Variants in TMOD1 observed in about 807,000 individuals in gnomAD.
TMOD1 encodes tropomodulin-1.
In TMOD1, 17 loss-of-function variants were observed where a neutral mutation model predicts 40.6. The observed-to-expected ratio is 0.42, with a 90% confidence interval of 0.29 to 0.63. The LOEUF is 0.63. Among genes scored for constraint, TMOD1 ranks in the 20% least tolerant of loss-of-function variants. The probability of loss-of-function intolerance (pLI) is 0.22; values close to 1 mark genes in which losing one functional copy is unlikely to be tolerated. For synonymous variants in TMOD1, 181 were observed against 175.0 expected, an observed-to-expected ratio of 1.03 and a Z score of -0.27; for missense variants, 391 against 447.6, an observed-to-expected ratio of 0.87 and a Z score of 1.14.
chr9:97,586,658 C>T (rs1456642823), intron 8 of TMOD1, among the ~76,000 whole-genome samples: 3 of 151,984 alleles, frequency 2.0e-5, no homozygotes, highest in African/African-American at 7.2e-5. Flanking sequence ...ATCAGCGAGA[C>T]TCTGTGGGCG....
chr9:97,594,616 G>T (rs891376693), intron 9 of TMOD1, among the ~76,000 whole-genome samples: 1 of 152,174 alleles, frequency 6.6e-6, no homozygotes, highest in African/African-American at 2.4e-5. Flanking sequence ...GGGACATTGA[G>T]TCCCCAAGGC....
intron 1 of TMOD1, among the ~76,000 whole-genome samples, chr9:97,508,959 AG>A (rs1168940406): frequency 1.3e-5 from 2 of 152,238 alleles, no homozygotes; most frequent in African/African-American, 4.8e-5. Context: ...CAGCATAACT[AG>A]TAAGAACAGA....
rs144026295 is a variant in TMOD1 at position 97,534,140 on chromosome 9, T to C, written c.120+9832T>C. On this transcript the variant is annotated intron_variant, in intron 2 of 9. Coordinates refer to ENST00000259365, the MANE Select transcript of TMOD1 (RefSeq NM_003275.4). ...CTCATATCATTGCCTGGAACTTAATTATATGACTCAACCTAGCTGCAAGGG... is the reference window on the plus strand; with the variant it reads ...CTCATATCATTGCCTGGAACTTAATCATATGACTCAACCTAGCTGCAAGGG... Among the ~76,000 whole-genome samples, 41 of 152,278 alleles carry C rather than the reference T, an allele frequency of 2.7e-4. No individual in the cohort carries two copies. In the East Asian group the frequency reaches 5.6e-3, roughly 21 times the overall value.
chr9:97,514,467 C>CA (rs533668041), intron 1 of TMOD1, among the ~76,000 whole-genome samples: 113 of 152,164 alleles, frequency 7.4e-4, no homozygotes, highest in African/African-American at 2.6e-3. Context: ...AGTGAAGTTT[C>CA]AATGAAGTAT....
At chr9:97,581,771 T>C (rs917182343) in intron 8 of TMOD1, among the ~76,000 whole-genome samples, 69 of 151,994 alleles carry the variant, frequency 4.5e-4, no homozygotes, top group Non-Finnish European at 8.7e-4. Flanking sequence ...TTTCATGTGT[T>C]TTTTGGCTAC....
intron 3 of TMOD1, among the ~76,000 whole-genome samples, chr9:97,552,229 T>C (rs1394873280): frequency 6.6e-6 from 1 of 152,192 alleles, no homozygotes; most frequent in Non-Finnish European, 1.5e-5. Flanking sequence ...ATAGCAGCAG[T>C]AAAAGTGGGC....
intron 5 of TMOD1, 103 bp from the exon 6 acceptor site, chr9:97,563,935 C>T (rs4743109): frequency 3.9e-5 from 55 of 1,415,080 alleles, no homozygotes; most frequent in Non-Finnish European, 5.0e-5. Flanking sequence ...GCAGCCCTCA[C>T]GTGCCCCAAC....
chr9:97,558,866 G>A (rs1000260907), intron 4 of TMOD1, among the ~76,000 whole-genome samples: 2 of 152,258 alleles, frequency 1.3e-5, no homozygotes, highest in African/African-American at 4.8e-5. Flanking sequence ...AAAACTGAGC[G>A]TCCCCCCAGC....
intron 1 of TMOD1, among the ~76,000 whole-genome samples, chr9:97,503,874 A>G (rs1829544484): frequency 6.6e-6 from 1 of 152,172 alleles, no homozygotes; most frequent in African/African-American, 2.4e-5. Flanking sequence ...CCTGGAGTGG[A>G]GAGGGCTTAG....
At chr9:97,562,893 C>A in intron 5 of TMOD1, 72 bp downstream of exon 5, 3 of 1,277,676 alleles carry the variant, frequency 2.3e-6, no homozygotes, top group Non-Finnish European at 3.3e-6. Context: ...TTCTCTGGCT[C>A]ATTGCAGAAG....
intron 1 of TMOD1, among the ~76,000 whole-genome samples, chr9:97,509,441 A>G (rs965744975): frequency 3.3e-5 from 5 of 150,154 alleles, no homozygotes; most frequent in African/African-American, 1.2e-4. Context: ...TATTTACTCA[A>G]TGTCTTATTG....
rs537781057 is a variant in TMOD1, at chr9:97,599,945, A to G, written c.*247A>G. The G allele has an allele frequency of 2.3e-4, 291 of 1,270,214 alleles. 1 individual carries two copies. The highest frequency in any genetic ancestry group is 7.1e-4 in the South Asian group (38 of 53,886). The allele number at this position is 1,270,214 out of a possible 1,614,324, so 78.7% of individuals were successfully genotyped here. ...ATTATTTAAAAACTAGAAGCCCCCA[A>G]ACCAGCAGATCTTACTGAAGATGAT... is the stretch of plus-strand genomic sequence containing the variant. On this transcript the variant is annotated 3_prime_UTR_variant, in exon 10 of 10. Coordinates refer to ENST00000259365, the MANE Select transcript of TMOD1 (RefSeq NM_003275.4).
chr9:97,564,065 C>T lies in TMOD1; in HGVS notation c.515C>T (p.Pro172Leu), dbSNP rs749000778. 2 of 1,614,224 alleles carry T rather than the reference C, an allele frequency of 1.2e-6. No individual in the cohort carries two copies. The highest frequency in any genetic ancestry group is 3.3e-5 in the Admixed American group (2 of 60,028). ...NSVIKPTQYK[P>L]VPDEEPNSTD... ...GTGATTAAACCCACACAATACAAGC[C>T]TGTGCCCGACGAAGAACCAAATTCA... The change falls in exon 6 of 10, where the codon CCT becomes CTT. Residue 172 changes from proline (P) to leucine (L), a missense_variant. Physicochemically the swap from Pro to Leu is moderately conservative, Grantham distance 98. Coordinates refer to ENST00000259365, the MANE Select transcript of TMOD1 (RefSeq NM_003275.4).
chr9:97,534,415 T>C (rs1025374931), intron 2 of TMOD1, among the ~76,000 whole-genome samples: 1 of 152,200 alleles, frequency 6.6e-6, no homozygotes, highest in African/African-American at 2.4e-5. Flanking sequence ...ACTCTCTAGC[T>C]TGGCATTTCC....
intron 2 of TMOD1, among the ~76,000 whole-genome samples, chr9:97,543,517 A>G (rs752666101): frequency 6.6e-6 from 1 of 152,224 alleles, no homozygotes; most frequent in Non-Finnish European, 1.5e-5. Context: ...CAACCACTCT[A>G]TGAGAGAGCA....
At chr9:97,519,598 A>G (rs772141927) in intron 1 of TMOD1, among the ~76,000 whole-genome samples, 4 of 152,088 alleles carry the variant, frequency 2.6e-5, no homozygotes, top group Non-Finnish European at 5.9e-5. Context: ...ATCTGGTCCA[A>G]TCTTGCCGTG....
intron 2 of TMOD1, among the ~76,000 whole-genome samples, chr9:97,527,420 C>G (rs1830033849): frequency 6.6e-6 from 1 of 152,184 alleles, no homozygotes; most frequent in Non-Finnish European, 1.5e-5. Context: ...ACAGAGCAGA[C>G]AGGAAGCTGT....
intron 1 of TMOD1, chr9:97,516,106 T>G (rs1829802510): frequency 6.6e-6 from 1 of 152,214 alleles, no homozygotes; most frequent in African/African-American, 2.4e-5. Context: ...GCTGGTTGAC[T>G]TTCTTCCCCT....
intron 9 of TMOD1, among the ~76,000 whole-genome samples, chr9:97,595,041 T>A (rs1393713876): frequency 6.6e-6 from 1 of 152,178 alleles, no homozygotes; most frequent in African/African-American, 2.4e-5. Context: ...GGAAGACCTT[T>A]GCAGCAAGCA....
Sources: gnomAD v4.1 joint callset for allele counts (sites outside exome capture counted in the v4.1 genomes callset) on GRCh38, gnomAD v4.1.1 for gene constraint, MANE v1.5 for transcripts, NCBI Gene and HGNC (gene_info 2026-07-23, HGNC 2026-07-21) for gene names.